The following ME3 variants were observed in gnomAD, a reference collection of about 807,000 sequenced individuals.
The protein encoded by ME3 is malic enzyme 3, also known as NADP-dependent malic enzyme, mitochondrial.
In ME3, 48 loss-of-function variants were observed where a neutral mutation model predicts 68.9. The ratio of observed to expected loss-of-function variants is 0.70; its 90% CI spans 0.55 to 0.89. The LOEUF (loss-of-function observed/expected upper bound fraction) is 0.89. Ranked by LOEUF, ME3 falls within the 40% of genes least tolerant of loss-of-function variation. The pLI is 0.00. For missense variants in ME3, 675 were observed against 797.4 expected (o/e 0.85, Z 1.85); for synonymous variants, 320 against 318.8 (o/e 1.00, Z -0.04).
chr11:86,450,177 G>T, intron 9 of ME3, 124 bp downstream of exon 9: 1 of 1,049,918 alleles, frequency 9.5e-7, no homozygotes, highest in East Asian at 2.6e-5. Flanking sequence ...CAGCTGCAAT[G>T]ATCACAATAT....
chr11:86,530,914 A>AT (rs1555224471), intron 4 of ME3, among the ~76,000 whole-genome samples: 1 of 152,008 alleles, frequency 6.6e-6, no homozygotes, highest in South Asian at 2.1e-4. Flanking sequence ...AAACCTAGGC[A>AT]TACCATTCAG....
chr11:86,516,008 A>G (rs1172539858), intron 4 of ME3, among the ~76,000 whole-genome samples: 2 of 152,090 alleles, frequency 1.3e-5, no homozygotes, highest in Non-Finnish European at 2.9e-5. Context: ...TGCAATCTGA[A>G]CACTCATCAA....
intron 14 of ME3, among the ~76,000 whole-genome samples, chr11:86,442,125 T>C (rs902527114): frequency 6.6e-6 from 1 of 152,216 alleles, no homozygotes; most frequent in African/African-American, 2.4e-5. Context: ...TAAACTGTCA[T>C]GTATCTATTA....
chr11:86,441,216 C>G, exon 15 of ME3: 1 of 1,367,210 alleles, frequency 7.3e-7, no homozygotes, highest in Non-Finnish European at 9.6e-7. Flanking sequence ...ATTTTGGAAC[C>G]CATTTATATT....
intron 2 of ME3, among the ~76,000 whole-genome samples, chr11:86,661,535 C>G (rs747142174): frequency 1.3e-5 from 2 of 152,222 alleles, no homozygotes; most frequent in Non-Finnish European, 2.9e-5. Context: ...TGCTCAATTT[C>G]TGCACATAGA....
intron 7 of ME3, among the ~76,000 whole-genome samples, chr11:86,479,285 C>T (rs1951257641): frequency 6.6e-6 from 1 of 152,188 alleles, no homozygotes; most frequent in African/African-American, 2.4e-5. Context: ...TGAGCTATGC[C>T]ACCAGTTTCC....
intron 2 of ME3, among the ~76,000 whole-genome samples, chr11:86,599,198 AT>A (rs921958056): frequency 6.6e-6 from 1 of 152,164 alleles, no homozygotes; most frequent in African/African-American, 2.4e-5. Flanking sequence ...AGTTGAAAAC[AT>A]TGAAAAAAAT....
intron 8 of ME3, among the ~76,000 whole-genome samples, chr11:86,453,472 G>A (rs1949750536): frequency 6.6e-6 from 1 of 152,174 alleles, no homozygotes; most frequent in South Asian, 2.1e-4. Flanking sequence ...GCTGGGCTCT[G>A]CCAATAGTAG....
intron 7 of ME3, among the ~76,000 whole-genome samples, chr11:86,471,513 G>A (rs1442065186): frequency 6.6e-6 from 1 of 151,944 alleles, no homozygotes; most frequent in Non-Finnish European, 1.5e-5. Flanking sequence ...CTTCTCTGGG[G>A]TCCCGTGATA....
rs1409649547 is a variant in ME3 at position 86,556,720 on chromosome 11, A to G, written c.318-18T>C. 6.2e-7 allele frequency: 1 copy of G among 1,612,822 alleles called. No homozygotes were observed. Among genetic ancestry groups the G allele is most frequent in the African/African-American group, 1.3e-5 (1 of 74,884 alleles). ...TGATGTACCTTGTAAAAGGAGAGAA[A>G]AAGCAAGCTGACATGTGGTAGCAGC... On this transcript the variant is annotated intron_variant, in intron 3 of 14. Transcript: ENST00000543262.
At chr11:86,484,052 G>A (rs560705159) in intron 7 of ME3, among the ~76,000 whole-genome samples, 1 of 152,330 alleles carries the variant, frequency 6.6e-6, no homozygotes, top group African/African-American at 2.4e-5. Flanking sequence ...GTCTGTTGCT[G>A]TGGTTCACAG....
intron 13 of ME3, among the ~76,000 whole-genome samples, chr11:86,444,296 C>T (rs1483505248): frequency 6.6e-6 from 1 of 151,742 alleles, no homozygotes; most frequent in Non-Finnish European, 1.5e-5. Flanking sequence ...TTGGTTAGGT[C>T]GATGTTAGGG....
At chr11:86,528,941 A>G (rs1954987198) in intron 4 of ME3, among the ~76,000 whole-genome samples, 1 of 152,204 alleles carries the variant, frequency 6.6e-6, no homozygotes, top group Non-Finnish European at 1.5e-5. Context: ...ATCACAATTA[A>G]AAGAACTAGA....
At chr11:86,480,444 A>G (rs990727465) in intron 7 of ME3, among the ~76,000 whole-genome samples, 1 of 152,122 alleles carries the variant, frequency 6.6e-6, no homozygotes, top group Non-Finnish European at 1.5e-5. Context: ...GTACTTTCAC[A>G]GGAAGCCATT....
chr11:86,448,408 T>A (rs1011609441), intron 10 of ME3, among the ~76,000 whole-genome samples, 153 bp from the exon 11 acceptor site: 11 of 152,208 alleles, frequency 7.2e-5, no homozygotes, highest in African/African-American at 2.7e-4. Context: ...TTGACTACAT[T>A]TCCTGGCAGA....
intron 6 of ME3, among the ~76,000 whole-genome samples, chr11:86,495,999 C>T (rs1253887323): frequency 6.6e-6 from 1 of 152,170 alleles, no homozygotes; most frequent in Non-Finnish European, 1.5e-5. Context: ...CCAGGATTTC[C>T]CAGCTGTTAA....
chr11:86,521,416 AAC>A (rs1387730333), intron 4 of ME3, among the ~76,000 whole-genome samples: 1 of 84,438 alleles, frequency 1.2e-5, no homozygotes, highest in African/African-American at 4.8e-5. Context: ...AACAAAACAA[AAC>A]AAAACAAAAC....
chr11:86,532,288 A>C lies in ME3; in HGVS notation c.468-23421T>G, dbSNP rs114900028. On this transcript the variant is annotated intron_variant, in intron 4 of 14. Coordinates refer to ENST00000543262, the Ensembl canonical transcript of ME3. The stretch of plus-strand genomic sequence containing the variant: ...CAATACAATAATAGCAGAAGACCTC[A>C]ATCTCCAACTTTCAATAATAGACAG... Among the ~76,000 whole-genome samples the C allele has an allele frequency of 1.9e-3, 290 of 152,270 alleles. 2 individuals are homozygous for C. The highest frequency in any genetic ancestry group is 6.7e-3 in the African/African-American group (280 of 41,534).
chr11:86,536,362 G>A (rs1399183094), intron 4 of ME3, among the ~76,000 whole-genome samples: 1 of 142,848 alleles, frequency 7.0e-6, no homozygotes, highest in Non-Finnish European at 1.5e-5. Context: ...TACAGAATGG[G>A]AGAAAATTTT....
Sources: gnomAD v4.1 joint callset for allele counts (sites outside exome capture counted in the v4.1 genomes callset) on GRCh38, gnomAD v4.1.1 for gene constraint, MANE v1.5 for transcripts, NCBI Gene and HGNC (gene_info 2026-07-23, HGNC 2026-07-21) for gene names.